Variants in CTNNA2 observed in about 807,000 individuals in gnomAD.
CTNNA2 encodes the protein catenin alpha 2.
A neutral mutation model predicts 101.0 loss-of-function variants in CTNNA2; 42 were observed. The ratio of observed to expected loss-of-function variants is 0.42; its 90% CI spans 0.32 to 0.54. CTNNA2 has a LOEUF of 0.54. Among genes scored for constraint, CTNNA2 ranks in the 20% least tolerant of loss-of-function variants. The probability of loss-of-function intolerance (pLI) is 0.14; values close to 1 mark genes in which losing one functional copy is unlikely to be tolerated. For synonymous variants in CTNNA2, 450 were observed against 456.4 expected, an observed-to-expected ratio of 0.99 and a Z score of 0.18; for missense variants, 871 against 1,223.1, an observed-to-expected ratio of 0.71 and a Z score of 4.29.
chr2:79,737,981 C>T (rs1402976603), intron 2 of CTNNA2, among the ~76,000 whole-genome samples: 2 of 152,188 alleles, frequency 1.3e-5, no homozygotes, highest in Admixed American at 6.5e-5. Context: ...AGAAGAGACA[C>T]AGTCAAGTTG....
intron 2 of CTNNA2, among the ~76,000 whole-genome samples, chr2:79,245,969 TCA>T (rs992986276): frequency 6.6e-6 from 1 of 152,216 alleles, no homozygotes. Flanking sequence ...GCCTGCTTCT[TCA>T]TTCTGGTGTT....
chr2:80,527,649 G>A (rs191043451), intron 9 of CTNNA2, among the ~76,000 whole-genome samples: 2 of 152,256 alleles, frequency 1.3e-5, no homozygotes, highest in Admixed American at 1.3e-4. Flanking sequence ...TCTTATGATG[G>A]GGCAAAGTTG....
intron 7 of CTNNA2, among the ~76,000 whole-genome samples, chr2:80,015,191 A>G (rs1427741521): frequency 2.6e-5 from 4 of 152,074 alleles, no homozygotes; most frequent in African/African-American, 7.2e-5. Context: ...TTCCTTCCCT[A>G]TGTGTTCTAG....
chr2:79,290,574 A>G (rs771873957), intron 2 of CTNNA2, among the ~76,000 whole-genome samples: 6 of 152,126 alleles, frequency 3.9e-5, no homozygotes, highest in Non-Finnish European at 8.8e-5. Context: ...CATCGTCGAG[A>G]GGAACACACC....
At chr2:80,219,366 C>A (rs1708444911) in intron 7 of CTNNA2, among the ~76,000 whole-genome samples, 1 of 152,144 alleles carries the variant, frequency 6.6e-6, no homozygotes, top group African/African-American at 2.4e-5. Context: ...GCACTGTTAT[C>A]TATTATTATC....
At chr2:80,186,126 G>A (rs1012777005) in intron 7 of CTNNA2, among the ~76,000 whole-genome samples, 1 of 152,076 alleles carries the variant, frequency 6.6e-6, no homozygotes, top group African/African-American at 2.4e-5. Context: ...ATCCCTATGG[G>A]AATTGGAAAG....
At chr2:79,347,028 C>A (rs902042862) in intron 3 of CTNNA2, among the ~76,000 whole-genome samples, 1 of 152,116 alleles carries the variant, frequency 6.6e-6, no homozygotes, top group Non-Finnish European at 1.5e-5. Context: ...CAATTAAAGT[C>A]CAAACTTCAA....
chr2:79,558,141 T>C (rs1674556024), intron 1 of CTNNA2, among the ~76,000 whole-genome samples: 1 of 151,950 alleles, frequency 6.6e-6, no homozygotes. Context: ...ATTCTTAGTA[T>C]GTTCAGGTAG....
At chr2:79,799,452 C>T (rs1675986840) in intron 3 of CTNNA2, among the ~76,000 whole-genome samples, 1 of 152,064 alleles carries the variant, frequency 6.6e-6, no homozygotes, top group African/African-American at 2.4e-5. Flanking sequence ...ACTCTCATTG[C>T]CTTCTTGTCC....
chr2:79,825,203 T>C (rs1043321344), intron 3 of CTNNA2, among the ~76,000 whole-genome samples: 3 of 152,218 alleles, frequency 2.0e-5, no homozygotes, highest in Non-Finnish European at 2.9e-5. Flanking sequence ...GGATTGTTGT[T>C]GATGGCATAA....
At chr2:79,690,153 A>T (rs1454453767) in intron 2 of CTNNA2, among the ~76,000 whole-genome samples, 1 of 152,088 alleles carries the variant, frequency 6.6e-6, no homozygotes, top group South Asian at 2.1e-4. Flanking sequence ...ATATTAAAAT[A>T]TCTAAAACCA....
At chr2:80,609,623 T>C (rs778171315) in intron 17 of CTNNA2, among the ~76,000 whole-genome samples, 10 of 151,802 alleles carry the variant, frequency 6.6e-5, no homozygotes, top group Non-Finnish European at 1.0e-4. Context: ...TCTTCCTTGC[T>C]GCCTTTCTTA....
chr2:80,376,850 G>A lies in CTNNA2; in HGVS notation c.1057-16361G>A, dbSNP rs141373256. Among the ~76,000 whole-genome samples the A allele has an allele frequency of 2.1e-3, 320 of 152,286 alleles. 1 individual carries two copies. Among genetic ancestry groups the A allele is most frequent in the African/African-American group, 7.5e-3 (313 of 41,556 alleles). On this transcript the variant is annotated intron_variant, in intron 7 of 18. Coordinates refer to ENST00000402739, the MANE Select transcript of CTNNA2 (RefSeq NM_001282597.3). ...GACTGAAATAGAATCCACTCTTGAT[G>A]CTTGGGGGATCTCCCTCTTTCTGGC...
chr2:80,079,181 T>C (rs1428557785), intron 7 of CTNNA2, among the ~76,000 whole-genome samples: 1 of 152,208 alleles, frequency 6.6e-6, no homozygotes, highest in Non-Finnish European at 1.5e-5. Flanking sequence ...ATTGTTCTCC[T>C]GTGCAAAGGA....
Position 79,297,205 on chromosome 2 carries a change from T to G in CTNNA2, c.-405-15504T>G, listed in dbSNP as rs750367742. 2.0e-5 allele frequency among the ~76,000 whole-genome samples: 3 copies of G among 151,492 alleles called. No individual in the cohort carries two copies. In the South Asian group the frequency reaches 6.2e-4, roughly 31 times the overall value. ...TTGTTTGTTTGTTTGTTTGTTTGTT[T>G]TGACAACAACCTGTCCTCAGCTGAA... On this transcript the variant is annotated intron_variant, in intron 2 of 21. Transcript: ENST00000466387.
intron 3 of CTNNA2, among the ~76,000 whole-genome samples, chr2:79,345,960 A>G (rs1677254168): frequency 6.6e-6 from 1 of 150,920 alleles, no homozygotes; most frequent in Admixed American, 6.6e-5. Flanking sequence ...TCGGCCTCCC[A>G]AAGTGCTAGG....
chr2:79,585,829 G>A (rs542386469), intron 1 of CTNNA2, among the ~76,000 whole-genome samples: 13 of 151,124 alleles, frequency 8.6e-5, no homozygotes, highest in East Asian at 4.0e-4. Flanking sequence ...TTTGCTGCCC[G>A]CTTTCCAAGA....
At chr2:79,342,142 G>C (rs996224794) in intron 3 of CTNNA2, among the ~76,000 whole-genome samples, 2 of 152,100 alleles carry the variant, frequency 1.3e-5, no homozygotes, top group Non-Finnish European at 2.9e-5. Context: ...CCAATATATA[G>C]CATATCTCAT....
Position 79,367,087 on chromosome 2 carries a change from G to A in CTNNA2, c.-317-6744G>A, listed in dbSNP as rs143238889. Among the ~76,000 whole-genome samples, 20 of 152,292 alleles carry A rather than the reference G, an allele frequency of 1.3e-4. 1 individual carries two copies. The East Asian group carries it at 3.9e-3, about 30-fold the overall frequency. Reference sequence around the variant, plus strand: ...TAGGTCATAAGGGTAGAGCCCTCATGATAGGGTTAGAGGGCTTATAAGAAG... The same window carrying A: ...TAGGTCATAAGGGTAGAGCCCTCATAATAGGGTTAGAGGGCTTATAAGAAG... On this transcript the variant is annotated intron_variant, in intron 3 of 21. Transcript: ENST00000466387.
Sources: gnomAD v4.1 joint callset for allele counts (sites outside exome capture counted in the v4.1 genomes callset) on GRCh38, gnomAD v4.1.1 for gene constraint, MANE v1.5 for transcripts, NCBI Gene and HGNC (gene_info 2026-07-23, HGNC 2026-07-21) for gene names.